The following GUCA1C variants were observed in gnomAD, a reference collection of about 807,000 sequenced individuals.
GUCA1C encodes guanylyl cyclase-activating protein 3.
In GUCA1C, 15 loss-of-function variants were observed where a neutral mutation model predicts 16.2. The observed-to-expected ratio is 0.93, with a 90% CI of 0.62 to 1.43. The LOEUF is 1.43. Ranked by LOEUF, GUCA1C falls within the 40% of genes most tolerant of loss-of-function variation. The pLI is 0.00. For synonymous variants in GUCA1C, 78 were observed against 85.4 expected (o/e 0.91, Z 0.48); for missense variants, 275 against 244.8 (o/e 1.12, Z -0.82).
chr3:108,942,359 T>G (rs1482453163), intron 1 of GUCA1C, among the ~76,000 whole-genome samples: 7 of 152,212 alleles, frequency 4.6e-5, no homozygotes, highest in Admixed American at 4.6e-4. Context: ...TCGCTCAACC[T>G]CTGCTGCATC....
intron 1 of GUCA1C, among the ~76,000 whole-genome samples, chr3:108,946,902 A>C (rs1482303213): frequency 6.6e-6 from 1 of 151,836 alleles, no homozygotes; most frequent in African/African-American, 2.4e-5. Context: ...AAAAAAAAAA[A>C]AAAAAAAAAG....
intron 1 of GUCA1C, among the ~76,000 whole-genome samples, chr3:108,922,198 CACACAT>C (rs199651236): frequency 0.023 from 1,165 of 49,706 alleles, 12 homozygotes; most frequent in African/African-American, 0.062. Flanking sequence ...CACACACACA[CACACAT>C]ATATATATGG....
intron 1 of GUCA1C, among the ~76,000 whole-genome samples, chr3:108,927,216 TC>T (rs200636755): frequency 0.045 from 6,780 of 152,304 alleles, 206 homozygotes; most frequent in Middle Eastern, 0.078. Context: ...TAGGCAATGA[TC>T]TTTTTGTGAA....
chr3:108,927,151 G>A (rs1208549402), intron 1 of GUCA1C, among the ~76,000 whole-genome samples: 2 of 152,158 alleles, frequency 1.3e-5, no homozygotes, highest in Non-Finnish European at 2.9e-5. Flanking sequence ...TTGCCTCGCA[G>A]CTCTTAAGAT....
chr3:108,952,663 C>T (rs1314471761), intron 1 of GUCA1C, among the ~76,000 whole-genome samples: 3 of 152,118 alleles, frequency 2.0e-5, no homozygotes, highest in South Asian at 2.1e-4. Context: ...ACTCAATTTA[C>T]CTCCCCTTCT....
At chr3:108,936,602 T>G (rs539100262) in intron 1 of GUCA1C, among the ~76,000 whole-genome samples, 13 of 152,296 alleles carry the variant, frequency 8.5e-5, no homozygotes, top group African/African-American at 2.9e-4. Flanking sequence ...CAGAATTCAT[T>G]ACAATTAAAT....
At chr3:108,922,771 C>A (rs1440995949) in intron 1 of GUCA1C, among the ~76,000 whole-genome samples, 1 of 152,090 alleles carries the variant, frequency 6.6e-6, no homozygotes, top group Non-Finnish European at 1.5e-5. Context: ...TTGCTGCACC[C>A]ATCAACCCAT....
chr3:108,952,005 C>T (rs895173346), intron 1 of GUCA1C, among the ~76,000 whole-genome samples: 33 of 152,312 alleles, frequency 2.2e-4, no homozygotes, highest in African/African-American at 7.7e-4. Flanking sequence ...AGCAACCTAA[C>T]GGCTGGCATG....
At chr3:108,937,307 G>A (rs1409926723) in intron 1 of GUCA1C, among the ~76,000 whole-genome samples, 2 of 152,110 alleles carry the variant, frequency 1.3e-5, no homozygotes, top group Non-Finnish European at 2.9e-5. Flanking sequence ...CAATCCCTGG[G>A]TGAAATTTCA....
At chr3:108,932,840 T>C (rs1316713081) in intron 1 of GUCA1C, among the ~76,000 whole-genome samples, 1 of 146,122 alleles carries the variant, frequency 6.8e-6, no homozygotes, top group Non-Finnish European at 1.5e-5. Context: ...AGAAATGGCT[T>C]GAACCTGGGA....
chr3:108,952,734 C>G (rs1263411597), intron 1 of GUCA1C, among the ~76,000 whole-genome samples: 1 of 151,666 alleles, frequency 6.6e-6, no homozygotes, highest in East Asian at 1.9e-4. Flanking sequence ...AGCATTTTCT[C>G]TGTTCCTTTT....
chr3:108,939,323 G>GTT (rs1491279760), intron 1 of GUCA1C, among the ~76,000 whole-genome samples: 5 of 33,226 alleles, frequency 1.5e-4, no homozygotes, highest in Admixed American at 2.7e-4. Flanking sequence ...TTGCTTCAAG[G>GTT]CTTTTTTTTT....
At chr3:108,934,066 C>T (rs1407551844) in intron 1 of GUCA1C, among the ~76,000 whole-genome samples, 2 of 152,084 alleles carry the variant, frequency 1.3e-5, no homozygotes, top group Non-Finnish European at 2.9e-5. Context: ...CTTCAGCAAA[C>T]TAACACAGGA....
chr3:108,921,585 T>C (rs1319967723), intron 1 of GUCA1C, among the ~76,000 whole-genome samples: 1 of 152,162 alleles, frequency 6.6e-6, no homozygotes, highest in Non-Finnish European at 1.5e-5. Context: ...TTGCACCACA[T>C]CCTCACTGGC....
intron 1 of GUCA1C, among the ~76,000 whole-genome samples, chr3:108,937,215 A>G (rs1441905409): frequency 1.3e-5 from 2 of 152,004 alleles, no homozygotes; most frequent in African/African-American, 4.8e-5. Context: ...TTGATTCAGC[A>G]TCTCTCCACC....
chr3:108,947,264 T>C (rs1301941355), intron 1 of GUCA1C, among the ~76,000 whole-genome samples: 1 of 151,854 alleles, frequency 6.6e-6, no homozygotes, highest in East Asian at 1.9e-4. Context: ...GAAGAGAAAA[T>C]ATATTTACTA....
chr3:108,929,244 A>G (rs1459145706), intron 1 of GUCA1C, among the ~76,000 whole-genome samples: 1 of 152,210 alleles, frequency 6.6e-6, no homozygotes, highest in Non-Finnish European at 1.5e-5. Flanking sequence ...GGTATATAGG[A>G]AAGTGATGAC....
chr3:108,935,707 AAAC>A (rs1365474617), intron 1 of GUCA1C, among the ~76,000 whole-genome samples: 1 of 152,004 alleles, frequency 6.6e-6, no homozygotes, highest in Non-Finnish European at 1.5e-5. Flanking sequence ...AAAAAAACAA[AAAC>A]AACAAAAAAA....
At chr3:108,934,160 C>T (rs1291088547) in intron 1 of GUCA1C, among the ~76,000 whole-genome samples, 1 of 151,570 alleles carries the variant, frequency 6.6e-6, no homozygotes, top group African/African-American at 2.4e-5. Context: ...GGGAACATCA[C>T]ACACCAGGGC....
Sources: gnomAD v4.1 joint callset for allele counts (sites outside exome capture counted in the v4.1 genomes callset) on GRCh38, gnomAD v4.1.1 for gene constraint, MANE v1.5 for transcripts, NCBI Gene and HGNC (gene_info 2026-07-23, HGNC 2026-07-21) for gene names.